Variants in SHLD2 observed in about 807,000 individuals in gnomAD.
SHLD2 encodes the protein RINN1-REV7-interacting novel NHEJ regulator 2.
SHLD2 carries 30 observed loss-of-function variants against 73.2 expected under a neutral mutation model. The observed-to-expected ratio is 0.41, with a 90% CI of 0.31 to 0.56. The LOEUF is 0.56. Among genes scored for constraint, SHLD2 ranks in the 20% least tolerant of loss-of-function variants. SHLD2 has a pLI of 0.28. For missense variants in SHLD2, 745 were observed against 1,055.9 expected, an observed-to-expected ratio of 0.71 and a Z score of 4.08; for synonymous variants, 285 against 370.1, an observed-to-expected ratio of 0.77 and a Z score of 2.64.
intron 2 of SHLD2, among the ~76,000 whole-genome samples, chr10:87,098,880 A>G (rs1842081788): frequency 6.6e-6 from 1 of 152,152 alleles, no homozygotes; most frequent in Admixed American, 6.5e-5. Context: ...GGCTCAGGCA[A>G]TCCTCCCACC....
intron 3 of SHLD2, among the ~76,000 whole-genome samples, chr10:87,153,483 T>C (rs1034029996): frequency 3.9e-5 from 6 of 152,184 alleles, no homozygotes; most frequent in African/African-American, 1.4e-4. Flanking sequence ...TATTGCCTTA[T>C]TATCAAAATT....
chr10:87,146,250 AACCC>A (rs1373756462), intron 2 of SHLD2, among the ~76,000 whole-genome samples: 1 of 152,144 alleles, frequency 6.6e-6, no homozygotes, highest in Non-Finnish European at 1.5e-5. Flanking sequence ...CTTTAAATGC[AACCC>A]AACATGAGTT....
chr10:87,148,443 G>A (rs1345170050), intron 2 of SHLD2, among the ~76,000 whole-genome samples: 2 of 151,966 alleles, frequency 1.3e-5, no homozygotes, highest in Non-Finnish European at 2.9e-5. Context: ...CTTTGGATTT[G>A]GCTTCTAGAA....
At chr10:87,100,664 G>T (rs557774800) in intron 2 of SHLD2, among the ~76,000 whole-genome samples, 12 of 152,170 alleles carry the variant, frequency 7.9e-5, no homozygotes, top group Middle Eastern at 6.8e-3. Flanking sequence ...TTTCAGTAGA[G>T]ATGGGGTTTT....
intron 2 of SHLD2, among the ~76,000 whole-genome samples, chr10:87,116,739 G>T (rs1589457227): frequency 6.6e-6 from 1 of 152,098 alleles, no homozygotes; most frequent in Non-Finnish European, 1.5e-5. Context: ...CACGGCTGTG[G>T]TATATATATT....
intron 3 of SHLD2, among the ~76,000 whole-genome samples, chr10:87,156,553 A>C (rs1037762888): frequency 4.6e-5 from 7 of 152,142 alleles, no homozygotes; most frequent in African/African-American, 1.7e-4. Context: ...ACAGTGTTTA[A>C]AGGACAAACA....
At chr10:87,190,302 G>A (rs1450817770) in intron 9 of SHLD2, among the ~76,000 whole-genome samples, 182 bp from the exon 10 acceptor site, 2 of 152,180 alleles carry the variant, frequency 1.3e-5, no homozygotes, top group South Asian at 4.1e-4. Context: ...CAAGTAATCC[G>A]GCTGCCTCCG....
At chr10:87,107,508 G>C (rs896533791) in intron 2 of SHLD2, among the ~76,000 whole-genome samples, 1 of 152,196 alleles carries the variant, frequency 6.6e-6, no homozygotes, top group Non-Finnish European at 1.5e-5. Context: ...AGAAGGCCTT[G>C]AAAAGAAGAA....
At chr10:87,126,976 A>G (rs561982508) in intron 2 of SHLD2, among the ~76,000 whole-genome samples, 169 of 152,374 alleles carry the variant, frequency 1.1e-3, no homozygotes, top group Non-Finnish European at 1.7e-3. Flanking sequence ...AGTATTACAC[A>G]ATTCCTAATC....
chr10:87,138,154 C>T (rs1263826357), intron 2 of SHLD2, among the ~76,000 whole-genome samples: 3 of 151,870 alleles, frequency 2.0e-5, no homozygotes, highest in Admixed American at 6.6e-5. Context: ...AAAAATTAGC[C>T]GGGTGTGGCG....
intron 2 of SHLD2, among the ~76,000 whole-genome samples, chr10:87,119,426 C>T (rs1389669384): frequency 1.3e-5 from 2 of 151,878 alleles, no homozygotes; most frequent in Non-Finnish European, 2.9e-5. Flanking sequence ...TGTGAAGTAT[C>T]TTTTCCAAAG....
chr10:87,105,227 G>C (rs1463097680), intron 2 of SHLD2, among the ~76,000 whole-genome samples: 3 of 152,126 alleles, frequency 2.0e-5, no homozygotes, highest in Non-Finnish European at 4.4e-5. Flanking sequence ...ATAATAAGAA[G>C]GGAAGTGTAA....
intron 2 of SHLD2, among the ~76,000 whole-genome samples, chr10:87,109,965 G>T (rs534219369): frequency 1.3e-5 from 2 of 152,114 alleles, no homozygotes; most frequent in Admixed American, 1.3e-4. Context: ...TTTTACAAAG[G>T]AATAAGTGAT....
intron 2 of SHLD2, among the ~76,000 whole-genome samples, chr10:87,126,766 T>G (rs1844041517): frequency 6.6e-6 from 1 of 152,220 alleles, no homozygotes; most frequent in African/African-American, 2.4e-5. Flanking sequence ...TAAACTTTAG[T>G]TGTCCTGCTA....
intron 2 of SHLD2, among the ~76,000 whole-genome samples, chr10:87,102,592 C>T (rs906799388): frequency 6.6e-6 from 1 of 152,044 alleles, no homozygotes; most frequent in Admixed American, 6.6e-5. Flanking sequence ...GCCTGTAATC[C>T]CAGCTACTCA....
At chr10:87,172,157 C>T (rs1847634807) in intron 6 of SHLD2, among the ~76,000 whole-genome samples, 1 of 152,174 alleles carries the variant, frequency 6.6e-6, no homozygotes, top group African/African-American at 2.4e-5. Flanking sequence ...TTCATTCATC[C>T]AGCCCCCCTT....
intron 2 of SHLD2, among the ~76,000 whole-genome samples, chr10:87,147,530 T>G (rs1845708397): frequency 6.6e-6 from 1 of 151,932 alleles, no homozygotes; most frequent in Non-Finnish European, 1.5e-5. Context: ...GCAGAACATT[T>G]AGGAGAAAAT....
chr10:87,151,281 A>T lies in SHLD2; in HGVS notation c.-5-69A>T, dbSNP rs1589574744. On this transcript the variant is annotated intron_variant, in intron 2 of 9. Coordinates refer to ENST00000298786, the MANE Select transcript of SHLD2 (RefSeq NM_001330112.2). Reference sequence around the variant, plus strand: ...CAGTTATATTTTCTTTTGGTACATTATTAAGTTAATATCCATATGCAAAAA... The same window carrying T: ...CAGTTATATTTTCTTTTGGTACATTTTTAAGTTAATATCCATATGCAAAAA... 9.1e-6 allele frequency: 7 copies of T among 766,530 alleles called. No individual in the cohort carries two copies. The East Asian group carries it at 1.9e-4, about 21-fold the overall frequency. 47.5% of individuals were successfully genotyped at this position (766,530 alleles called of 1,614,324 possible). A position where few individuals can be genotyped will look rare whatever the true frequency, so the allele number is the denominator to read the frequency against.
chr10:87,151,589 G>A lies in SHLD2; in HGVS notation c.235G>A (p.Ala79Thr). 1.2e-6 allele frequency: 2 copies of A among 1,611,588 alleles called. No individual in the cohort carries two copies. Among genetic ancestry groups the A allele is most frequent in the Non-Finnish European group, 1.7e-6 (2 of 1,179,628 alleles). ...GSPDLSGHFL[A>T]NCMNRHVHVK... ...TCCAGATCTTAGTGGTCATTTCTTA[G>A]CAAACTGTATGAATAGACATGTTCA... The change falls in exon 3 of 10, where the codon GCA (alanine) becomes ACA (threonine). Residue 79 changes from alanine (A) to threonine (T), a missense_variant. Transcript: ENST00000298786.
Sources: gnomAD v4.1 joint callset for allele counts (sites outside exome capture counted in the v4.1 genomes callset) on GRCh38, gnomAD v4.1.1 for gene constraint, MANE v1.5 for transcripts, NCBI Gene and HGNC (gene_info 2026-07-23, HGNC 2026-07-21) for gene names.